PRSS12: variants seen among roughly 807,000 people sequenced by gnomAD.
The protein encoded by PRSS12 is neurotrypsin.
PRSS12 carries 85 observed loss-of-function variants against 104.4 expected under a neutral mutation model. The ratio of observed to expected loss-of-function variants is 0.81; its 90% CI spans 0.68 to 0.98. The LOEUF is 0.98. Ranked by LOEUF, PRSS12 falls within the 50% of genes least tolerant of loss-of-function variation. The pLI, the probability that PRSS12 is intolerant of heterozygous loss-of-function variation, is 0.00. For synonymous variants in PRSS12, 454 were observed against 425.2 expected, an observed-to-expected ratio of 1.07 and a Z score of -0.83; for missense variants, 1,141 against 1,139.2, an observed-to-expected ratio of 1.00 and a Z score of -0.02.
intron 4 of PRSS12, among the ~76,000 whole-genome samples, chr4:118,330,206 T>A (rs1723882800): frequency 6.6e-6 from 1 of 152,186 alleles, no homozygotes; most frequent in South Asian, 2.1e-4. Context: ...CAGGCTGATG[T>A]CACTTAAACC....
At position 118,283,065 on chromosome 4, in the gene PRSS12, G is replaced by A; in HGVS notation, c.2086C>T (p.His696Tyr). 6.2e-7 allele frequency: 1 copy of A among 1,614,164 alleles called. No homozygotes were observed. Among genetic ancestry groups the A allele is most frequent in the Non-Finnish European group, 8.5e-7 (1 of 1,180,022 alleles). Reference sequence around the variant, plus strand: ...TCAAACTCCTCTGGTACCAGAGTATGATAATCTCCAACCCTAACAGCATAG... The same window carrying A: ...TCAAACTCCTCTGGTACCAGAGTATAATAATCTCCAACCCTAACAGCATAG... The part of the protein sequence containing the change: ...RSYAVRVGDY[H>Y]TLVPEEFEEE... Residue 696 changes from histidine to tyrosine, a missense_variant, in exon 12 of 13, where the codon CAT becomes TAT. His to Tyr is a moderately conservative substitution (Grantham distance 83). Coordinates refer to ENST00000296498, the MANE Select transcript of PRSS12 (RefSeq NM_003619.4).
intron 1 of PRSS12, among the ~76,000 whole-genome samples, chr4:118,344,227 CTA>C (rs961806401): frequency 2.0e-5 from 3 of 152,006 alleles, no homozygotes; most frequent in African/African-American, 4.8e-5. Flanking sequence ...AAATATAATA[CTA>C]TGTCTTATAC....
Position 118,352,922 on chromosome 4 carries a change from G to C in PRSS12, c.-202C>G. ...GCGCCTCGGCTCCTGTCCCCTGGCG[G>C]CGGCCGCGGGTGGGGAAATCTGGAG... is the stretch of plus-strand genomic sequence containing the variant. On this transcript the variant is annotated 5_prime_UTR_variant, in exon 1 of 13. Transcript: ENST00000296498. 1 of 1,328,880 alleles carries C rather than the reference G, an allele frequency of 7.5e-7. No individual in the cohort carries two copies. The highest frequency in any genetic ancestry group is 9.7e-7 in the Non-Finnish European group (1 of 1,028,464). 82.3% of individuals were successfully genotyped at this position (1,328,880 alleles called of 1,614,324 possible).
chr4:118,336,598 AT>A (rs1724070331), intron 2 of PRSS12, among the ~76,000 whole-genome samples: 1 of 152,218 alleles, frequency 6.6e-6, no homozygotes, highest in African/African-American at 2.4e-5. Flanking sequence ...AGATGATACT[AT>A]ATAAGCAGCT....
At chr4:118,285,734 A>C (rs1193738900) in intron 11 of PRSS12, among the ~76,000 whole-genome samples, 1 of 152,182 alleles carries the variant, frequency 6.6e-6, no homozygotes, top group African/African-American at 2.4e-5. Context: ...TATTAGTTAC[A>C]TTTTGCAATG....
rs1174632169 is a variant in PRSS12 at position 118,331,732 on chromosome 4, T to A, written c.955A>T (p.Arg319Trp). Residue 319 changes from arginine to tryptophan, a missense_variant, in exon 4 of 13, where the codon AGG becomes TGG. Arg to Trp is a moderately radical substitution (Grantham distance 101). Transcript: ENST00000296498. ...AAAACAAACCTGAGGCCCAGCTGCC[T>A]GCAGATCACTTCTGCATCGGCATCA... is the stretch of plus-strand genomic sequence containing the variant. Reference protein sequence around the residue: ...WDDADAEVICRQLGLSGIAKA... With the variant: ...WDDADAEVICWQLGLSGIAKA... The A allele has an allele frequency of 2.5e-6, 4 of 1,614,168 alleles. No individual in the cohort carries two copies. Among genetic ancestry groups the A allele is most frequent in the Admixed American group, 1.7e-5 (1 of 60,028 alleles).
intron 1 of PRSS12, among the ~76,000 whole-genome samples, chr4:118,342,467 A>G (rs1647703830): frequency 6.6e-6 from 1 of 152,148 alleles, no homozygotes; most frequent in African/African-American, 2.4e-5. Flanking sequence ...CACTGTCTTA[A>G]AGTCTCTCAA....
At chr4:118,296,853 T>G (rs1005927207) in intron 9 of PRSS12, among the ~76,000 whole-genome samples, 6 of 152,128 alleles carry the variant, frequency 3.9e-5, no homozygotes, top group African/African-American at 1.4e-4. Flanking sequence ...ATATGAGTCC[T>G]CTAGATGACA....
At chr4:118,285,993 A>G (rs1469991717) in intron 11 of PRSS12, among the ~76,000 whole-genome samples, 2 of 152,342 alleles carry the variant, frequency 1.3e-5, no homozygotes, top group African/African-American at 4.8e-5. Flanking sequence ...AAGCAAAGAA[A>G]CAGGACATTA....
At chr4:118,320,516 C>CT (rs1440296424) in intron 4 of PRSS12, among the ~76,000 whole-genome samples, 2 of 152,100 alleles carry the variant, frequency 1.3e-5, no homozygotes, top group Non-Finnish European at 2.9e-5. Context: ...CTTTGGGAAG[C>CT]CAAGGTGGGT....
At chr4:118,292,607 G>C (rs1743154015) in intron 11 of PRSS12, among the ~76,000 whole-genome samples, 1 of 152,070 alleles carries the variant, frequency 6.6e-6, no homozygotes, top group African/African-American at 2.4e-5. Flanking sequence ...AGAACATTAA[G>C]GGCTCAATAA....
intron 9 of PRSS12, among the ~76,000 whole-genome samples, chr4:118,298,091 T>C (rs1434437434): frequency 6.8e-6 from 1 of 147,270 alleles, no homozygotes; most frequent in African/African-American, 2.5e-5. Flanking sequence ...TGAGTCAAGA[T>C]CGTGCCACTG....
intron 2 of PRSS12, among the ~76,000 whole-genome samples, chr4:118,336,867 C>T (rs1452013190): frequency 2.0e-5 from 3 of 152,192 alleles, no homozygotes; most frequent in African/African-American, 7.2e-5. Flanking sequence ...ATGAAATCAT[C>T]ATTCTTTGTG....
At chr4:118,286,180 T>C (rs1743012735) in intron 11 of PRSS12, among the ~76,000 whole-genome samples, 1 of 152,214 alleles carries the variant, frequency 6.6e-6, no homozygotes, top group African/African-American at 2.4e-5. Flanking sequence ...TGTTTCTGCC[T>C]GATAATATAA....
At chr4:118,322,318 G>A (rs1233964748) in intron 4 of PRSS12, among the ~76,000 whole-genome samples, 1 of 152,126 alleles carries the variant, frequency 6.6e-6, no homozygotes, top group African/African-American at 2.4e-5. Context: ...GGGAGGCCGA[G>A]GCAGGTGGAT....
At chr4:118,319,383 T>G (rs1013167940) in intron 4 of PRSS12, among the ~76,000 whole-genome samples, 1 of 151,984 alleles carries the variant, frequency 6.6e-6, no homozygotes, top group African/African-American at 2.4e-5. Context: ...TTCTGACCAG[T>G]GATATTTAGG....
chr4:118,295,498 A>C (rs1022662121), intron 10 of PRSS12, among the ~76,000 whole-genome samples: 1 of 152,250 alleles, frequency 6.6e-6, no homozygotes, highest in Non-Finnish European at 1.5e-5. Flanking sequence ...GAATCTTTGT[A>C]GTTACACACA....
chr4:118,313,230 G>A lies in PRSS12; in HGVS notation c.1460C>T (p.Pro487Leu). 1 of 1,613,888 alleles carries A rather than the reference G, an allele frequency of 6.2e-7. No individual in the cohort carries two copies. Among genetic ancestry groups the A allele is most frequent in the Non-Finnish European group, 8.5e-7 (1 of 1,179,982 alleles). ...AGAGAGCCTGTGTCCCTCGCCGCCA[G>A]GGTAGCAGGCAATGCTAACATCTTC... ...HREDVSIACY[P>L]GGEGHRLSLG... The change falls in exon 7 of 13, where the codon CCT (proline) becomes CTT (leucine). Residue 487 changes from proline (P) to leucine (L), a missense_variant. Physicochemically the swap from Pro to Leu is moderately conservative, Grantham distance 98. Transcript: ENST00000296498.
At position 118,295,716 on chromosome 4, in the gene PRSS12, T is replaced by C. The variant is rs1743237152; in HGVS notation, c.1916+62A>G. 41 of 1,459,442 alleles carry C rather than the reference T, an allele frequency of 2.8e-5. 1 individual carries two copies. The South Asian group carries it at 4.7e-4, about 17-fold the overall frequency. The allele number at this position is 1,459,442 out of a possible 1,614,324, so 90.4% of individuals were successfully genotyped here. ...TATATAACAGAACATCCCCAGTTTG[T>C]AACACTCTATGTATATAAATAATTC... On this transcript the variant is annotated intron_variant, in intron 10 of 12. Coordinates refer to ENST00000296498, the MANE Select transcript of PRSS12 (RefSeq NM_003619.4).
Sources: allele counts gnomAD v4.1 joint callset (sites outside exome capture counted in the v4.1 genomes callset), GRCh38; gene constraint gnomAD v4.1.1; transcripts MANE v1.5; gene names NCBI Gene and HGNC (gene_info 2026-07-23, HGNC 2026-07-21).